NDUFA10: variants seen among roughly 807,000 people sequenced by gnomAD.
The protein encoded by NDUFA10 is NADH:ubiquinone oxidoreductase subunit A10.
Under a neutral mutation model 47.8 loss-of-function variants are expected in NDUFA10, and 40 were observed. That is an observed-to-expected ratio of 0.84 (90% CI 0.65 to 1.09). The LOEUF is 1.09. NDUFA10 is among the 50% of genes least tolerant of loss of function. The pLI is 0.00. For missense variants in NDUFA10, 413 were observed against 451.1 expected (o/e 0.92, Z 0.76); for synonymous variants, 183 against 172.2 (o/e 1.06, Z -0.49).
intron 4 of NDUFA10, among the ~76,000 whole-genome samples, chr2:239,934,349 C>A (rs1004820767): frequency 6.6e-6 from 1 of 152,152 alleles, no homozygotes; most frequent in Non-Finnish European, 1.5e-5. Context: ...CTAGTTCCCA[C>A]TCCACCTCCT....
Position 239,906,194 on chromosome 2 carries a change from C to T in NDUFA10, c.295-10880G>A, listed in dbSNP as rs951389495. On this transcript the variant is annotated intron_variant, in intron 4 of 5. Coordinates refer to the NDUFA10 transcript ENST00000419408. The surrounding 1 kb of genome is among the most constrained non-coding windows in gnomAD (Gnocchi z 4.3). ...TCCAGCACACCTTTTAACAAGAACC[C>T]CCGGCCCTCCAGGTGGTTGGAAATA... Among the ~76,000 whole-genome samples the T allele has an allele frequency of 1.3e-5, 2 of 152,144 alleles. No homozygotes were observed. The highest frequency in any genetic ancestry group is 2.9e-5 in the Non-Finnish European group (2 of 68,020).
intron 4 of NDUFA10, among the ~76,000 whole-genome samples, chr2:239,940,442 C>CT (rs1158864363): frequency 6.6e-6 from 1 of 152,202 alleles, no homozygotes; most frequent in East Asian, 1.9e-4. Context: ...GAAGTACGCT[C>CT]TGAGTTTCCA....
At chr2:239,917,104 T>G (rs1693892913) in intron 4 of NDUFA10, among the ~76,000 whole-genome samples, 1 of 152,002 alleles carries the variant, frequency 6.6e-6, no homozygotes, top group Non-Finnish European at 1.5e-5. Flanking sequence ...GGGTGGGGTC[T>G]CAGGTTAGGC....
At chr2:239,962,210 T>TACACACACACACACACACAC (rs59356951) in intron 9 of NDUFA10, among the ~76,000 whole-genome samples, 3 of 149,544 alleles carry the variant, frequency 2.0e-5, no homozygotes, top group African/African-American at 7.4e-5. Flanking sequence ...TCAATTTGTG[T>TACACACACACACACACACAC]ACACACACAC....
chr2:239,952,261 TG>T (rs1385090178), intron 4 of NDUFA10, among the ~76,000 whole-genome samples: 1 of 25,026 alleles, frequency 4.0e-5, no homozygotes, highest in East Asian at 1.2e-3. Flanking sequence ...GCTGGCAGGG[TG>T]GGGGCCAAAG....
At chr2:239,998,765 T>A (rs1696586517) in intron 8 of NDUFA10, among the ~76,000 whole-genome samples, 1 of 152,222 alleles carries the variant, frequency 6.6e-6, no homozygotes, top group African/African-American at 2.4e-5. Flanking sequence ...CATATGTTAC[T>A]GTATTTTTCA....
intron 4 of NDUFA10, among the ~76,000 whole-genome samples, chr2:239,931,831 CTTTT>C (rs35581568): frequency 4.4e-5 from 4 of 90,184 alleles, no homozygotes; most frequent in South Asian, 3.9e-4. Context: ...TGCACCTCTG[CTTTT>C]TTTTTTTTTT....
At chr2:239,954,758 C>T (rs1694620427), downstream of NDUFA10, among the ~76,000 whole-genome samples, 1 of 152,210 alleles carries the variant, frequency 6.6e-6, no homozygotes, top group South Asian at 2.1e-4. Context: ...TTTGTACTCA[C>T]TGCTAACAAA....
intron 4 of NDUFA10, among the ~76,000 whole-genome samples, chr2:239,917,217 G>T (rs779660832): frequency 1.3e-5 from 2 of 152,126 alleles, no homozygotes; most frequent in Admixed American, 6.5e-5. Context: ...AAAAGAGAAA[G>T]AAATAGGCTT....
chr2:239,937,515 G>A (rs142102898), intron 4 of NDUFA10, among the ~76,000 whole-genome samples: 27 of 152,238 alleles, frequency 1.8e-4, no homozygotes, highest in South Asian at 1.7e-3. Flanking sequence ...CGGTGGCCTC[G>A]ATCCCAGCTT....
intron 9 of NDUFA10, among the ~76,000 whole-genome samples, chr2:239,968,009 C>CACACACACAG (rs1173910304): frequency 3.9e-5 from 6 of 151,938 alleles, no homozygotes; most frequent in Non-Finnish European, 8.8e-5. Flanking sequence ...CACACACACA[C>CACACACACAG]AGTCACTCAT....
intron 4 of NDUFA10, chr2:240,017,685 G>C: frequency 1.4e-6 from 1 of 712,448 alleles, no homozygotes; most frequent in Non-Finnish European, 2.4e-6. Context: ...GCATGTCCAG[G>C]GAGGATCAGC....
intron 1 of NDUFA10, among the ~76,000 whole-genome samples, chr2:240,024,679 G>C (rs1028226941): frequency 1.3e-5 from 2 of 152,216 alleles, no homozygotes; most frequent in African/African-American, 2.4e-5. Context: ...CAAGATGTAA[G>C]GCAGAATGTG....
intron 4 of NDUFA10, among the ~76,000 whole-genome samples, chr2:239,938,801 C>T (rs77452968): frequency 0.026 from 4,003 of 152,300 alleles, 182 homozygotes; most frequent in African/African-American, 0.091. Context: ...CCAAACGGCA[C>T]AGAGAAGACG....
intron 4 of NDUFA10, among the ~76,000 whole-genome samples, chr2:240,017,251 C>T (rs114654213): frequency 0.013 from 2,032 of 152,248 alleles, 41 homozygotes; most frequent in African/African-American, 0.046. Flanking sequence ...CTCGCCGAGG[C>T]GCAGCTCCTT....
chr2:240,006,385 G>T (rs918002635), intron 7 of NDUFA10, among the ~76,000 whole-genome samples: 1 of 152,178 alleles, frequency 6.6e-6, no homozygotes. Context: ...TCTGCAAGGA[G>T]AATGCTACTC....
At chr2:239,988,504 T>C (rs976536903) in intron 9 of NDUFA10, among the ~76,000 whole-genome samples, 9 of 152,186 alleles carry the variant, frequency 5.9e-5, no homozygotes, top group Non-Finnish European at 1.3e-4. Flanking sequence ...GGTTCTGCAT[T>C]GAGATCACGG....
At chr2:239,981,989 G>A in intron 9 of NDUFA10, 1 of 1,269,836 alleles carries the variant, frequency 7.9e-7, no homozygotes, top group Non-Finnish European at 1.1e-6. Flanking sequence ...GGCATCCATG[G>A]CCTCCACTTG....
At chr2:239,940,806 T>A (rs879536869) in intron 4 of NDUFA10, among the ~76,000 whole-genome samples, 1 of 152,218 alleles carries the variant, frequency 6.6e-6, no homozygotes, top group East Asian at 1.9e-4. Flanking sequence ...ATTCACTGGA[T>A]TTCCACTATA....
Sources: allele counts gnomAD v4.1 joint callset (sites outside exome capture counted in the v4.1 genomes callset), GRCh38; gene constraint gnomAD v4.1.1; non-coding constraint Gnocchi (gnomAD v3.1); transcripts MANE v1.5; gene names NCBI Gene and HGNC (gene_info 2026-07-23, HGNC 2026-07-21).